ROBO2: variants seen among roughly 807,000 people sequenced by gnomAD.
ROBO2 encodes the protein roundabout guidance receptor 2, also known as roundabout homolog 2.
In ROBO2, 53 loss-of-function variants were observed where a neutral mutation model predicts 160.8. The observed-to-expected ratio is 0.33, with a 90% CI of 0.26 to 0.41. ROBO2 has a LOEUF of 0.41. Among genes scored for constraint, ROBO2 ranks in the 10% least tolerant of loss-of-function variants. The pLI is 1.00. For synonymous variants in ROBO2, 664 were observed against 611.7 expected (o/e 1.09, Z -1.26); for missense variants, 1,577 against 1,722.4 (o/e 0.92, Z 1.49).
chr3:76,859,727 G>A (rs2070535741), intron 2 of ROBO2, among the ~76,000 whole-genome samples: 1 of 152,170 alleles, frequency 6.6e-6, no homozygotes, highest in Non-Finnish European at 1.5e-5. Flanking sequence ...TTCCCACCCA[G>A]CTGGTGGTGG....
chr3:77,591,083 T>C (rs1418693706), intron 17 of ROBO2, among the ~76,000 whole-genome samples: 1 of 152,120 alleles, frequency 6.6e-6, no homozygotes, highest in Non-Finnish European at 1.5e-5. Flanking sequence ...CAATTTAATA[T>C]GAGTGAGCAA....
At chr3:76,869,330 G>C (rs947423255) in intron 2 of ROBO2, among the ~76,000 whole-genome samples, 1 of 142,170 alleles carries the variant, frequency 7.0e-6, no homozygotes. Context: ...TATGTGCCTA[G>C]TAGAAATTGA....
intron 1 of ROBO2, among the ~76,000 whole-genome samples, chr3:77,057,669 C>A (rs890894671): frequency 3.6e-5 from 5 of 138,780 alleles, no homozygotes; most frequent in Non-Finnish European, 6.0e-5. Flanking sequence ...CTCCTTGGTT[C>A]AAGTGATTCT....
At chr3:76,304,724 CTTTCTTTCT>C (rs1243634442) in intron 2 of ROBO2, among the ~76,000 whole-genome samples, 34 of 55,606 alleles carry the variant, frequency 6.1e-4, no homozygotes, top group South Asian at 4.3e-3. Flanking sequence ...CTCTTTCTTT[CTTTCTTTCT>C]TTTCTTTTCT....
chr3:76,366,143 T>C (rs78592451), intron 2 of ROBO2, among the ~76,000 whole-genome samples: 1 of 152,150 alleles, frequency 6.6e-6, no homozygotes, highest in African/African-American at 2.4e-5. Context: ...AGAGAATGTC[T>C]GTCTACATGG....
intron 2 of ROBO2, among the ~76,000 whole-genome samples, chr3:77,242,802 A>G (rs954784565): frequency 1.3e-5 from 2 of 151,134 alleles, no homozygotes; most frequent in Admixed American, 6.6e-5. Flanking sequence ...CTTCTTTTCC[A>G]TATCTAGTAG....
chr3:76,605,674 G>T (rs750815489), intron 2 of ROBO2, among the ~76,000 whole-genome samples: 50 of 152,062 alleles, frequency 3.3e-4, no homozygotes, highest in Non-Finnish European at 6.5e-4. Flanking sequence ...TAATAGATTT[G>T]TAAATCACAG....
At chr3:75,966,807 C>A (rs1206368800) in intron 2 of ROBO2, among the ~76,000 whole-genome samples, 1 of 151,616 alleles carries the variant, frequency 6.6e-6, no homozygotes, top group Non-Finnish European at 1.5e-5. Flanking sequence ...ATCACTATTC[C>A]ACTCTATAAT....
intron 2 of ROBO2, among the ~76,000 whole-genome samples, chr3:77,245,817 A>C (rs959842445): frequency 1.3e-5 from 2 of 152,234 alleles, no homozygotes; most frequent in African/African-American, 2.4e-5. Flanking sequence ...AGTTTAAGTG[A>C]GACTTGGGAT....
intron 2 of ROBO2, among the ~76,000 whole-genome samples, chr3:76,423,867 G>A (rs190567916): frequency 6.6e-6 from 1 of 152,194 alleles, no homozygotes; most frequent in Admixed American, 6.5e-5. Context: ...AATGTGTCCA[G>A]CTAATAAAGG....
chr3:75,935,439 G>T (rs1294050789), intron 1 of ROBO2, among the ~76,000 whole-genome samples: 1 of 152,064 alleles, frequency 6.6e-6, no homozygotes, highest in African/African-American at 2.4e-5. Context: ...TTTGAGCCTA[G>T]GAGTTGGAGT....
At chr3:77,008,253 T>C (rs1578213283) in intron 2 of ROBO2, among the ~76,000 whole-genome samples, 1 of 152,256 alleles carries the variant, frequency 6.6e-6, no homozygotes, top group East Asian at 1.9e-4. Flanking sequence ...GTCTGTGTAA[T>C]TGGTGTTACA....
intron 2 of ROBO2, among the ~76,000 whole-genome samples, chr3:76,521,613 G>A (rs767421177): frequency 2.0e-5 from 3 of 152,122 alleles, no homozygotes; most frequent in Non-Finnish European, 2.9e-5. Flanking sequence ...AAACAGCAAT[G>A]CCTATATTGT....
At chr3:77,640,097 ATTTTTTTTTTTTTTTT>A (rs71104695) in intron 24 of ROBO2, among the ~76,000 whole-genome samples, 5 of 65,440 alleles carry the variant, frequency 7.6e-5, no homozygotes, top group African/African-American at 1.3e-4. Context: ...CAGAGGAAGC[ATTTTTTTTTTTTTTTT>A]TTTTTTTTTT....
At chr3:76,856,717 C>G (rs1390421823) in intron 2 of ROBO2, among the ~76,000 whole-genome samples, 1 of 152,134 alleles carries the variant, frequency 6.6e-6, no homozygotes, top group African/African-American at 2.4e-5. Flanking sequence ...CTTTACCACA[C>G]TATATTTAAG....
At chr3:76,079,452 A>AATTT (rs1020515526) in intron 2 of ROBO2, among the ~76,000 whole-genome samples, 1 of 150,300 alleles carries the variant, frequency 6.7e-6, no homozygotes, top group East Asian at 2.0e-4. Flanking sequence ...AAACATTGAA[A>AATTT]ATTTATTTAT....
intron 2 of ROBO2, among the ~76,000 whole-genome samples, chr3:77,202,234 G>C (rs1034597848): frequency 1.6e-4 from 24 of 152,110 alleles, no homozygotes; most frequent in African/African-American, 5.8e-4. Context: ...AATAGCATTT[G>C]TTATACAAAA....
intron 2 of ROBO2, among the ~76,000 whole-genome samples, chr3:76,915,101 A>G (rs983971477): frequency 6.6e-6 from 1 of 152,160 alleles, no homozygotes; most frequent in African/African-American, 2.4e-5. Context: ...CATTTTCATA[A>G]CATTCATCAC....
chr3:76,439,328 A>G (rs58881939), intron 2 of ROBO2, among the ~76,000 whole-genome samples: 777 of 62,654 alleles, frequency 0.012, 25 homozygotes, highest in East Asian at 0.1. Context: ...GAGCTGAATC[A>G]GGAAGATCAG....
Sources: gnomAD v4.1 joint callset for allele counts (sites outside exome capture counted in the v4.1 genomes callset) on GRCh38, gnomAD v4.1.1 for gene constraint, MANE v1.5 for transcripts, NCBI Gene and HGNC (gene_info 2026-07-23, HGNC 2026-07-21) for gene names.